ADRA1D: variants seen among roughly 807,000 people sequenced by gnomAD.
The protein encoded by ADRA1D is alpha-1D adrenergic receptor.
ADRA1D carries 22 observed loss-of-function variants against 18.6 expected under a neutral mutation model. That is an observed-to-expected ratio of 1.19 (90% CI 0.85 to 1.69). The LOEUF (loss-of-function observed/expected upper bound fraction) is 1.69. Ranked by LOEUF, ADRA1D falls within the 40% of genes most tolerant of loss-of-function variation. The pLI, the probability that ADRA1D is intolerant of heterozygous loss-of-function variation, is 0.00. For missense variants in ADRA1D, 840 were observed against 840.7 expected, an observed-to-expected ratio of 1.00 and a Z score of 0.01; for synonymous variants, 376 against 388.2, an observed-to-expected ratio of 0.97 and a Z score of 0.37.
intron 1 of ADRA1D, among the ~76,000 whole-genome samples, chr20:4,231,512 A>T (rs1196734392): frequency 6.6e-6 from 1 of 152,194 alleles, no homozygotes; most frequent in Non-Finnish European, 1.5e-5. Flanking sequence ...CGAACGAAGC[A>T]GGGACTCTGA....
At chr20:4,236,194 T>C (rs934357052) in intron 1 of ADRA1D, among the ~76,000 whole-genome samples, 1 of 152,210 alleles carries the variant, frequency 6.6e-6, no homozygotes, top group African/African-American at 2.4e-5. Context: ...CTGACACTTA[T>C]AAACTGGGGG....
chr20:4,229,417 A>C (rs1730564154), intron 1 of ADRA1D, among the ~76,000 whole-genome samples: 1 of 79,470 alleles, frequency 1.3e-5, no homozygotes. Flanking sequence ...ATGAAGCAGG[A>C]AGGAAGATGG....
At chr20:4,240,553 G>C (rs1486208236) in intron 1 of ADRA1D, among the ~76,000 whole-genome samples, 1 of 152,058 alleles carries the variant, frequency 6.6e-6, no homozygotes, top group Non-Finnish European at 1.5e-5. Flanking sequence ...CAGCACTTTG[G>C]GAGGCCGAGG....
chr20:4,231,956 A>G (rs910854242), intron 1 of ADRA1D, among the ~76,000 whole-genome samples: 1 of 152,020 alleles, frequency 6.6e-6, no homozygotes, highest in South Asian at 2.1e-4. Context: ...TCTCTTGCCC[A>G]GGCTGGAGTG....
At chr20:4,242,226 T>C (rs1981229568) in intron 1 of ADRA1D, among the ~76,000 whole-genome samples, 1 of 152,220 alleles carries the variant, frequency 6.6e-6, no homozygotes, top group Admixed American at 6.5e-5. Flanking sequence ...ATGAAATTCA[T>C]CCATGTGTGC....
chr20:4,245,785 G>A (rs1346548106), intron 1 of ADRA1D, among the ~76,000 whole-genome samples: 2 of 152,154 alleles, frequency 1.3e-5, no homozygotes, highest in African/African-American at 4.8e-5. Flanking sequence ...TGGGGCGATG[G>A]GCCTGGGGGA....
intron 1 of ADRA1D, among the ~76,000 whole-genome samples, chr20:4,231,066 C>CTTTCTTTCTTCCTTTCTT (rs778795892): frequency 1.0e-5 from 1 of 95,998 alleles, no homozygotes; most frequent in African/African-American, 4.2e-5. Context: ...TTCTTTCTTT[C>CTTTCTTTCTTCCTTTCTT]TCTCTCTCTC....
chr20:4,243,001 G>A (rs1451999026), intron 1 of ADRA1D, among the ~76,000 whole-genome samples: 1 of 152,088 alleles, frequency 6.6e-6, no homozygotes, highest in Non-Finnish European at 1.5e-5. Flanking sequence ...GAGGGACACG[G>A]GCCTCTGGAG....
At chr20:4,227,714 C>CCTTCCTTT (rs1980846887) in intron 1 of ADRA1D, among the ~76,000 whole-genome samples, 1 of 35,248 alleles carries the variant, frequency 2.8e-5, no homozygotes, top group African/African-American at 7.8e-5. Context: ...CTCCTTCCTT[C>CCTTCCTTT]CTTCCTTCCT....
chr20:4,233,918 T>C (rs373079143), intron 1 of ADRA1D, among the ~76,000 whole-genome samples: 9 of 152,320 alleles, frequency 5.9e-5, no homozygotes, highest in East Asian at 5.8e-4. Flanking sequence ...TGTTCTCCCA[T>C]GTGCTGAGTC....
chr20:4,229,209 C>T (rs943429894), intron 1 of ADRA1D, among the ~76,000 whole-genome samples: 1 of 152,192 alleles, frequency 6.6e-6, no homozygotes, highest in Non-Finnish European at 1.5e-5. Flanking sequence ...ATTGACTTTA[C>T]AGCTCAGACC....
chr20:4,234,197 C>T (rs752497883), intron 1 of ADRA1D, among the ~76,000 whole-genome samples: 5 of 152,208 alleles, frequency 3.3e-5, no homozygotes, highest in African/African-American at 1.2e-4. Context: ...ACAGGAATGG[C>T]CAGGCCTGCA....
intron 1 of ADRA1D, among the ~76,000 whole-genome samples, chr20:4,246,992 G>A (rs1022019719): frequency 4.6e-5 from 7 of 152,030 alleles, no homozygotes; most frequent in South Asian, 2.1e-4. Context: ...ATCTGACCCC[G>A]GGCAAATTCA....
At chr20:4,241,070 C>G (rs1421515363) in intron 1 of ADRA1D, among the ~76,000 whole-genome samples, 1 of 151,912 alleles carries the variant, frequency 6.6e-6, no homozygotes, top group African/African-American at 2.4e-5. Context: ...AAAATGGGGA[C>G]TCACCCCCAA....
intron 1 of ADRA1D, among the ~76,000 whole-genome samples, chr20:4,224,510 AC>A (rs1365880323): frequency 5.9e-5 from 9 of 152,066 alleles, no homozygotes; most frequent in African/African-American, 2.2e-4. Flanking sequence ...AACCTCACTC[AC>A]CCTCAGCAGC....
intron 1 of ADRA1D, among the ~76,000 whole-genome samples, chr20:4,235,301 G>A (rs576780779): frequency 6.6e-6 from 1 of 152,314 alleles, no homozygotes; most frequent in South Asian, 2.1e-4. Context: ...AGGCTGCCTG[G>A]TGGAGCCCAA....
chr20:4,229,204 C>G (rs1980897871), intron 1 of ADRA1D, among the ~76,000 whole-genome samples: 1 of 152,186 alleles, frequency 6.6e-6, no homozygotes, highest in South Asian at 2.1e-4. Flanking sequence ...TAAATATTGA[C>G]TTTACAGCTC....
intron 1 of ADRA1D, among the ~76,000 whole-genome samples, chr20:4,229,004 C>T (rs1003705881): frequency 1.2e-4 from 18 of 152,214 alleles, no homozygotes; most frequent in African/African-American, 4.1e-4. Flanking sequence ...ACACTGCCCT[C>T]ATCCTCCTGG....
At chr20:4,228,159 AC>A (rs1209474952) in intron 1 of ADRA1D, among the ~76,000 whole-genome samples, 1 of 152,034 alleles carries the variant, frequency 6.6e-6, no homozygotes, top group African/African-American at 2.4e-5. Flanking sequence ...ACTCACCAGC[AC>A]CTTAACTGTT....
Sources: allele counts gnomAD v4.1 joint callset (sites outside exome capture counted in the v4.1 genomes callset), GRCh38; gene constraint gnomAD v4.1.1; transcripts MANE v1.5; gene names NCBI Gene and HGNC (gene_info 2026-07-23, HGNC 2026-07-21).